Variants in COLEC12 observed in about 807,000 individuals in gnomAD.
The protein encoded by COLEC12 is collectin-12.
In COLEC12, 33 loss-of-function variants were observed where a neutral mutation model predicts 71.1. The observed-to-expected ratio is 0.46, with a 90% CI of 0.35 to 0.62. COLEC12 has a LOEUF of 0.62. Ranked by LOEUF, COLEC12 falls within the 20% of genes least tolerant of loss-of-function variation. The pLI is 0.00. For synonymous variants in COLEC12, 350 were observed against 353.0 expected (o/e 0.99, Z 0.10); for missense variants, 765 against 916.1 (o/e 0.84, Z 2.13).
chr18:392,874 A>C (rs894176304), intron 2 of COLEC12, among the ~76,000 whole-genome samples: 3 of 152,344 alleles, frequency 2.0e-5, no homozygotes, highest in African/African-American at 7.2e-5. Flanking sequence ...TCTTTGGAAA[A>C]GATTCTTTTC....
chr18:483,523 T>G (rs1917464289), intron 1 of COLEC12, among the ~76,000 whole-genome samples: 1 of 152,206 alleles, frequency 6.6e-6, no homozygotes, highest in Non-Finnish European at 1.5e-5. Context: ...GATCTTGGTT[T>G]GGAATCTAGA....
intron 1 of COLEC12, among the ~76,000 whole-genome samples, chr18:498,390 G>A (rs1271807606): frequency 4.3e-5 from 5 of 115,892 alleles, no homozygotes; most frequent in Non-Finnish European, 6.8e-5. Context: ...ACGGAGTCTC[G>A]CTCTTGTCAC....
At chr18:358,793 C>T (rs953327638) in intron 2 of COLEC12, among the ~76,000 whole-genome samples, 8 of 152,160 alleles carry the variant, frequency 5.3e-5, no homozygotes, top group Non-Finnish European at 8.8e-5. Context: ...ACCTGTACAG[C>T]ATGTTACTGT....
chr18:404,411 C>G (rs1036777184), intron 2 of COLEC12, among the ~76,000 whole-genome samples: 1 of 152,154 alleles, frequency 6.6e-6, no homozygotes, highest in African/African-American at 2.4e-5. Context: ...TTATGGGGAA[C>G]TAGCTTATGA....
intron 2 of COLEC12, among the ~76,000 whole-genome samples, chr18:416,254 C>T (rs1310140925): frequency 6.6e-6 from 1 of 152,118 alleles, no homozygotes; most frequent in Non-Finnish European, 1.5e-5. Flanking sequence ...AAAGAAAAAA[C>T]AAGCTGAAAA....
At chr18:368,212 G>GTA (rs200003526) in intron 2 of COLEC12, among the ~76,000 whole-genome samples, 4 of 152,158 alleles carry the variant, frequency 2.6e-5, no homozygotes, top group African/African-American at 4.8e-5. Flanking sequence ...ACATACGTTT[G>GTA]TACACACACA....
chr18:477,192 A>C (rs1214341941), intron 2 of COLEC12, among the ~76,000 whole-genome samples: 1 of 152,258 alleles, frequency 6.6e-6, no homozygotes, highest in African/African-American at 2.4e-5. Context: ...AAGATCGTGC[A>C]TTTTGCTCTT....
At position 362,393 on chromosome 18, in the gene COLEC12, T is replaced by A. The variant is rs1914766300; in HGVS notation, c.59-4871A>T. Among the ~76,000 whole-genome samples the A allele has an allele frequency of 6.6e-6, 1 of 152,148 alleles. No homozygotes were observed. On this transcript the variant is annotated intron_variant, in intron 2 of 9. Coordinates refer to ENST00000400256, the MANE Select transcript of COLEC12 (RefSeq NM_130386.3). The surrounding 1 kb of genome is among the most constrained non-coding windows in gnomAD (Gnocchi z 4.6). Reference sequence around the variant, plus strand: ...CTCTCTGCCCTCCGCTGGGAGGACATCTGGCCAAACACACGGATGCCTACT... The same window carrying A: ...CTCTCTGCCCTCCGCTGGGAGGACAACTGGCCAAACACACGGATGCCTACT...
chr18:465,368 T>C (rs939956053), intron 2 of COLEC12, among the ~76,000 whole-genome samples: 3 of 152,116 alleles, frequency 2.0e-5, no homozygotes, highest in Non-Finnish European at 4.4e-5. Context: ...TCCCAAAGTG[T>C]TGGGATTACA....
chr18:486,991 CAT>C (rs1231512328), intron 1 of COLEC12, among the ~76,000 whole-genome samples: 2 of 152,132 alleles, frequency 1.3e-5, no homozygotes, highest in African/African-American at 4.8e-5. Context: ...GAAATAAAAA[CAT>C]ATGTCCATAC....
chr18:498,786 G>T (rs1272961342), intron 1 of COLEC12, among the ~76,000 whole-genome samples: 2 of 152,198 alleles, frequency 1.3e-5, no homozygotes, highest in Non-Finnish European at 2.9e-5. Context: ...GGCAGCGCTA[G>T]ACCACAGCGG....
At chr18:457,887 TG>T (rs1478779314) in intron 2 of COLEC12, among the ~76,000 whole-genome samples, 1 of 152,224 alleles carries the variant, frequency 6.6e-6, no homozygotes, top group Non-Finnish European at 1.5e-5. Context: ...CGTATCTTAC[TG>T]GCAGGATATA....
chr18:497,335 C>A (rs867617258), intron 1 of COLEC12, among the ~76,000 whole-genome samples: 25 of 151,862 alleles, frequency 1.6e-4, no homozygotes, highest in African/African-American at 6.0e-4. Flanking sequence ...AAATGAACTT[C>A]TTTAACTTCT....
Position 334,822 on chromosome 18 carries a change from G to A in COLEC12, c.1736C>T (p.Pro579Leu), listed in dbSNP as rs1472931515. 13 of 1,518,168 alleles carry A rather than the reference G, an allele frequency of 8.6e-6. No individual in the cohort carries two copies. Among genetic ancestry groups the A allele is most frequent in the African/African-American group, 4.3e-5 (3 of 69,166 alleles). The allele number at this position is 1,518,168 out of a possible 1,614,324, so 94.0% of individuals were successfully genotyped here. ...GVPGMPGPKG[P>L]PGPPGPSGAV... is the part of the protein sequence containing the mutation. ...TCCTGATGGGCCAGGAGGGCCGGGG[G>A]GGCCCTTGGGGCCTGGCATGCCTGG... Residue 579 changes from proline to leucine, a missense_variant, in exon 6 of 10, where the codon CCC becomes CTC. Transcript: ENST00000400256.
intron 2 of COLEC12, among the ~76,000 whole-genome samples, chr18:409,099 G>C (rs1915842625): frequency 6.7e-6 from 1 of 149,520 alleles, no homozygotes; most frequent in African/African-American, 2.4e-5. Context: ...GCCTCCCAAA[G>C]TGCTGGGATT....
At chr18:367,201 T>G (rs1275161246) in intron 2 of COLEC12, among the ~76,000 whole-genome samples, 1 of 152,178 alleles carries the variant, frequency 6.6e-6, no homozygotes, top group Non-Finnish European at 1.5e-5. Flanking sequence ...AGGACTAATA[T>G]AATGACGAGG....
intron 5 of COLEC12, among the ~76,000 whole-genome samples, chr18:340,973 C>T (rs1391699006): frequency 6.6e-6 from 1 of 152,154 alleles, no homozygotes; most frequent in Non-Finnish European, 1.5e-5. Context: ...TGGATGCTCT[C>T]CAGGATCTCC....
At chr18:444,256 T>C (rs991030820) in intron 2 of COLEC12, among the ~76,000 whole-genome samples, 2 of 152,224 alleles carry the variant, frequency 1.3e-5, no homozygotes, top group Admixed American at 6.5e-5. Context: ...ATACATTCAA[T>C]AGTATTATAA....
At chr18:321,571 G>A (rs1913704619) in intron 9 of COLEC12, 91 bp downstream of exon 9, 1 of 1,364,508 alleles carries the variant, frequency 7.3e-7, no homozygotes, top group African/African-American at 1.4e-5. Flanking sequence ...TAATTGCAGT[G>A]CCTGCATTCA....
Sources: gnomAD v4.1 joint callset for allele counts (sites outside exome capture counted in the v4.1 genomes callset) on GRCh38, gnomAD v4.1.1 for gene constraint, Gnocchi (gnomAD v3.1) non-coding constraint, MANE v1.5 for transcripts, NCBI Gene and HGNC (gene_info 2026-07-23, HGNC 2026-07-21) for gene names.